The following KCNMB2 variants were observed in gnomAD, a reference collection of about 807,000 sequenced individuals.
KCNMB2 encodes calcium-activated potassium channel subunit beta-2.
In KCNMB2, 9 loss-of-function variants were observed where a neutral mutation model predicts 24.5. The observed-to-expected ratio is 0.37, with a 90% confidence interval of 0.22 to 0.64. The LOEUF is 0.64. Ranked by LOEUF, KCNMB2 falls within the 30% of genes least tolerant of loss-of-function variation. KCNMB2 has a pLI of 0.63. For synonymous variants in KCNMB2, 109 were observed against 104.4 expected (o/e 1.04, Z -0.27); for missense variants, 226 against 284.3 (o/e 0.79, Z 1.47).
intron 1 of KCNMB2, among the ~76,000 whole-genome samples, chr3:178,770,897 T>G (rs1468980570): frequency 1.3e-5 from 2 of 152,178 alleles, no homozygotes; most frequent in African/African-American, 4.8e-5. Flanking sequence ...TCTTTTTGAC[T>G]CTTAGCTTTT....
chr3:178,605,956 T>C (rs1341345275), intron 1 of KCNMB2, among the ~76,000 whole-genome samples: 1 of 152,008 alleles, frequency 6.6e-6, no homozygotes, highest in Non-Finnish European at 1.5e-5. Context: ...ATTGCAAAAA[T>C]TGAGAAAAAA....
chr3:178,762,545 T>C (rs1711946003), intron 1 of KCNMB2, among the ~76,000 whole-genome samples: 1 of 152,168 alleles, frequency 6.6e-6, no homozygotes, highest in African/African-American at 2.4e-5. Context: ...TGTCCTATTT[T>C]AAAATGCCTC....
chr3:178,626,966 A>T (rs1354001751), intron 1 of KCNMB2, among the ~76,000 whole-genome samples: 1 of 150,692 alleles, frequency 6.6e-6, no homozygotes, highest in Admixed American at 6.6e-5. Flanking sequence ...TGTTAACTAT[A>T]ACAATGTTAA....
chr3:178,643,542 T>C (rs1025706099), intron 1 of KCNMB2, among the ~76,000 whole-genome samples: 1 of 152,158 alleles, frequency 6.6e-6, no homozygotes, highest in African/African-American at 2.4e-5. Context: ...GCATGAGACT[T>C]TCCTGTGCAT....
At chr3:178,576,023 C>T (rs1344926157) in intron 1 of KCNMB2, among the ~76,000 whole-genome samples, 1 of 152,004 alleles carries the variant, frequency 6.6e-6, no homozygotes, top group Non-Finnish European at 1.5e-5. Context: ...TCACTCTAAG[C>T]TTATACAAAA....
intron 1 of KCNMB2, among the ~76,000 whole-genome samples, chr3:178,620,467 T>G (rs1718867561): frequency 6.6e-6 from 1 of 152,224 alleles, no homozygotes; most frequent in Admixed American, 6.5e-5. Flanking sequence ...TTCTTGAGGC[T>G]GAGAAGTCCA....
At chr3:178,661,713 C>T (rs62282972) in intron 1 of KCNMB2, among the ~76,000 whole-genome samples, 8,384 of 152,130 alleles carry the variant, frequency 0.055, 261 homozygotes, top group Middle Eastern at 0.1. Flanking sequence ...GGAAGCTTGC[C>T]GGAAATGCAG....
intron 4 of KCNMB2, 37 bp from the exon 5 acceptor site, chr3:178,842,616 A>T (rs964780891): frequency 1.4e-6 from 2 of 1,400,514 alleles, no homozygotes; most frequent in African/African-American, 1.4e-5. Flanking sequence ...AAACACACAT[A>T]GTATCTTCTA....
Position 178,828,280 on chromosome 3 carries a change from G to T in KCNMB2, c.330G>T (p.Gln110His). 1 of 1,613,948 alleles carries T rather than the reference G, an allele frequency of 6.2e-7. No individual in the cohort carries two copies. Among genetic ancestry groups the T allele is most frequent in the South Asian group, 1.1e-5 (1 of 91,076 alleles). ...GTCCAGACTGCTGGAAACTTTCTCA[G>T]TACCCCTGCCTCCAGGTGTACGTTA... Reference protein sequence around the residue: ...SCGPDCWKLSQYPCLQVYVNL... With the variant: ...SCGPDCWKLSHYPCLQVYVNL... Residue 110 changes from glutamine (Q) to histidine (H), a missense_variant, in exon 4 of 5, where the codon CAG (glutamine) becomes CAT (histidine). Physicochemically the swap from Gln to His is conservative, Grantham distance 24. Transcript: ENST00000452583.
intron 1 of KCNMB2, among the ~76,000 whole-genome samples, chr3:178,704,390 T>C (rs1343119479): frequency 2.0e-5 from 3 of 152,150 alleles, no homozygotes; most frequent in African/African-American, 7.2e-5. Context: ...TATCTAGACT[T>C]AGATATCTGT....
chr3:178,542,630 TGGTGGTTA>T (rs995200049), intron 1 of KCNMB2, among the ~76,000 whole-genome samples: 4 of 152,166 alleles, frequency 2.6e-5, no homozygotes, highest in African/African-American at 9.6e-5. Flanking sequence ...TGAAGGCTAC[TGGTGGTTA>T]GGAGAATTTT....
intron 1 of KCNMB2, among the ~76,000 whole-genome samples, chr3:178,597,650 G>T (rs1717924446): frequency 6.6e-6 from 1 of 152,100 alleles, no homozygotes; most frequent in Non-Finnish European, 1.5e-5. Context: ...ACCATGAACT[G>T]CATTAAGACT....
At chr3:178,561,003 G>A (rs1231955421) in intron 1 of KCNMB2, among the ~76,000 whole-genome samples, 1 of 152,178 alleles carries the variant, frequency 6.6e-6, no homozygotes, top group Non-Finnish European at 1.5e-5. Context: ...GTTATCTGAG[G>A]CTAAAAGGCA....
chr3:178,817,216 C>CATATATATATATATATAT, intron 2 of KCNMB2, among the ~76,000 whole-genome samples: 1 of 101,844 alleles, frequency 9.8e-6, no homozygotes, highest in South Asian at 3.2e-4. Context: ...ATGTTAATGA[C>CATATATATATATATATAT]ATATATATAT....
At chr3:178,690,786 T>C (rs556946650) in intron 1 of KCNMB2, among the ~76,000 whole-genome samples, 1 of 152,322 alleles carries the variant, frequency 6.6e-6, no homozygotes, top group South Asian at 2.1e-4. Context: ...AATCATGACA[T>C]GGTGTACTAA....
At chr3:178,739,545 TAGGGCAGATA>T (rs1193517404) in intron 1 of KCNMB2, among the ~76,000 whole-genome samples, 1 of 152,170 alleles carries the variant, frequency 6.6e-6, no homozygotes, top group Non-Finnish European at 1.5e-5. Context: ...AGGCTCTCCA[TAGGGCAGATA>T]GAACTTAACA....
At chr3:178,842,562 G>T (rs1036703215) in intron 4 of KCNMB2, 91 bp from the exon 5 acceptor site, 3 of 826,394 alleles carry the variant, frequency 3.6e-6, no homozygotes, top group African/African-American at 3.4e-5. Flanking sequence ...TTATTTCACA[G>T]ATCACTAATT....
At chr3:178,655,997 C>A (rs1429869353) in intron 1 of KCNMB2, among the ~76,000 whole-genome samples, 1 of 152,150 alleles carries the variant, frequency 6.6e-6, no homozygotes, top group Non-Finnish European at 1.5e-5. Flanking sequence ...AGGAGGCCCA[C>A]AAAAGGCCTT....
In KCNMB2 at chr3:178,546,450, G is replaced by A. The variant is rs79865932; in HGVS notation, c.-68+9739G>A. ...TACATTTATTGCAGCTTGTATTCTA[G>A]TGAGAAGTAATAAGAAAATTAATAA... is the stretch of plus-strand genomic sequence containing the variant. On this transcript the variant is annotated intron_variant, in intron 1 of 4. Coordinates refer to ENST00000452583, the MANE Select transcript of KCNMB2 (RefSeq NM_181361.3). Among the ~76,000 whole-genome samples, 483 of 152,280 alleles carry A rather than the reference G, an allele frequency of 3.2e-3. 19 individuals carry two copies. The East Asian group carries it at 0.074, about 23-fold the overall frequency.
Sources: gnomAD v4.1 joint callset for allele counts (sites outside exome capture counted in the v4.1 genomes callset) on GRCh38, gnomAD v4.1.1 for gene constraint, MANE v1.5 for transcripts, NCBI Gene and HGNC (gene_info 2026-07-23, HGNC 2026-07-21) for gene names.